CCDC191: variants seen among roughly 807,000 people sequenced by gnomAD.
CCDC191 encodes coiled-coil domain-containing protein 191.
Under a neutral mutation model 114.0 loss-of-function variants are expected in CCDC191, and 99 were observed. The ratio of observed to expected loss-of-function variants is 0.87; its 90% CI spans 0.74 to 1.03. The LOEUF is 1.03. Ranked by LOEUF, CCDC191 falls within the 50% of genes least tolerant of loss-of-function variation. The probability of loss-of-function intolerance (pLI) is 0.00; values close to 1 mark genes in which losing one functional copy is unlikely to be tolerated. For missense variants in CCDC191, 973 were observed against 1,087.0 expected, an observed-to-expected ratio of 0.90 and a Z score of 1.47; for synonymous variants, 351 against 376.0, an observed-to-expected ratio of 0.93 and a Z score of 0.77.
intron 16 of CCDC191, among the ~76,000 whole-genome samples, chr3:113,975,158 A>C (rs988469169): frequency 1.3e-5 from 2 of 152,178 alleles, no homozygotes; most frequent in African/African-American, 2.4e-5. Context: ...GTTAAGAACT[A>C]TGGTAGCAAG....
At chr3:114,005,457 G>A in intron 10 of CCDC191, 51 bp downstream of exon 10, 2 of 1,519,200 alleles carry the variant, frequency 1.3e-6, no homozygotes, top group South Asian at 2.6e-5. Context: ...GGAGCCCAAA[G>A]TGAAAAACCC....
At chr3:113,989,572 A>G (rs537160035) in intron 13 of CCDC191, among the ~76,000 whole-genome samples, 7 of 152,354 alleles carry the variant, frequency 4.6e-5, no homozygotes, top group East Asian at 3.9e-4. Context: ...CCATGGGACA[A>G]TGAGGACATC....
chr3:114,031,556 C>T, intron 7 of CCDC191, 70 bp downstream of exon 7: 3 of 1,274,676 alleles, frequency 2.4e-6, no homozygotes, highest in Non-Finnish European at 3.4e-6. Context: ...TTTATTTTAT[C>T]CCATCTCTGA....
chr3:113,965,590 TTTTA>T lies in CCDC191; in HGVS notation c.2607-235_2607-232del, dbSNP rs557303033. 3.4e-4 allele frequency among the ~76,000 whole-genome samples: 52 copies of T among 152,222 alleles called. 1 individual carries two copies. The South Asian group carries it at 0.01, about 30-fold the overall frequency. On this transcript the variant is annotated intron_variant, in intron 16 of 16. Transcript: ENST00000295878. Reference sequence around the variant, plus strand: ...ATAGGTTATTTTTATTTTTATTTTATTTTATTTATTTTCTTTGAGGCAAGAGTCT... The same window carrying T: ...ATAGGTTATTTTTATTTTTATTTTATTTTATTTTCTTTGAGGCAAGAGTCT...
intron 7 of CCDC191, among the ~76,000 whole-genome samples, chr3:114,026,447 T>C (rs2076321857): frequency 6.6e-6 from 1 of 152,238 alleles, no homozygotes; most frequent in Admixed American, 6.5e-5. Flanking sequence ...CCCAGTAATC[T>C]TCCTATGTGT....
intron 16 of CCDC191, 25 bp downstream of exon 16, chr3:113,978,161 A>G: frequency 2.5e-6 from 4 of 1,612,620 alleles, no homozygotes; most frequent in African/African-American, 1.3e-5. Context: ...CAGAGAGTGA[A>G]TTTTCCTCAC....
chr3:113,969,969 C>A (rs1940632003), intron 16 of CCDC191, among the ~76,000 whole-genome samples: 1 of 152,128 alleles, frequency 6.6e-6, no homozygotes, highest in Admixed American at 6.5e-5. Context: ...AAGAAGTCTT[C>A]CAGTGCAGGA....
chr3:113,983,963 C>T (rs2075265491), intron 13 of CCDC191: 1 of 152,150 alleles, frequency 6.6e-6, no homozygotes, highest in Non-Finnish European at 1.5e-5. Flanking sequence ...TGAGTGGCCA[C>T]CTTACTGTGG....
intron 7 of CCDC191, among the ~76,000 whole-genome samples, chr3:114,021,830 G>C (rs1302909362): frequency 2.0e-5 from 3 of 152,122 alleles, no homozygotes; most frequent in Admixed American, 6.6e-5. Context: ...TAAGCCAGGA[G>C]AACTTAAGTT....
intron 7 of CCDC191, 35 bp downstream of exon 7, chr3:114,031,591 C>T (rs1045565888): frequency 1.9e-6 from 3 of 1,553,870 alleles, no homozygotes; most frequent in South Asian, 1.1e-5. Flanking sequence ...ATTTATACTA[C>T]AGAATGCTGA....
At chr3:114,043,853 A>T (rs757635201) in intron 3 of CCDC191, among the ~76,000 whole-genome samples, 1 of 152,194 alleles carries the variant, frequency 6.6e-6, no homozygotes, top group Non-Finnish European at 1.5e-5. Context: ...TGGAGTTGAC[A>T]TGACTTGCTA....
intron 16 of CCDC191, among the ~76,000 whole-genome samples, chr3:113,977,444 A>G (rs554906596): frequency 1.3e-5 from 2 of 152,204 alleles, no homozygotes; most frequent in Non-Finnish European, 2.9e-5. Context: ...TTCTGTCCAA[A>G]TGCTTAAAAT....
chr3:114,050,086 A>T (rs1229893768), intron 2 of CCDC191, among the ~76,000 whole-genome samples: 1 of 152,256 alleles, frequency 6.6e-6, no homozygotes, highest in African/African-American at 2.4e-5. Flanking sequence ...GAAAAACTGA[A>T]CACCTTCAAA....
At chr3:113,969,514 T>C (rs562780669) in intron 16 of CCDC191, among the ~76,000 whole-genome samples, 24 of 152,308 alleles carry the variant, frequency 1.6e-4, no homozygotes, top group Admixed American at 1.2e-3. Context: ...CCATTTGGAT[T>C]TGATTTTTGT....
At chr3:114,029,442 C>T (rs2076373367) in intron 7 of CCDC191, among the ~76,000 whole-genome samples, 1 of 152,082 alleles carries the variant, frequency 6.6e-6, no homozygotes, top group African/African-American at 2.4e-5. Flanking sequence ...GGACTGTTTT[C>T]CTTCTAGAAG....
In CCDC191 at chr3:113,978,258, C is replaced by A. The variant is rs1193025846; in HGVS notation, c.2534G>T (p.Trp845Leu). The change falls in exon 16 of 17, where the codon TGG becomes TTG. Residue 845 changes from tryptophan to leucine, a missense_variant. Coordinates refer to ENST00000295878, the MANE Select transcript of CCDC191 (RefSeq NM_020817.2). Reference sequence around the variant, plus strand: ...CTTCACCTCCCTGACCATGTTAAACCAGGCCCTGAAAATCTTCTTTTGAAG... The same window carrying A: ...CTTCACCTCCCTGACCATGTTAAACAAGGCCCTGAAAATCTTCTTTTGAAG... ...HFLQKKIFRA[W>L]FNMVREVKID... 1 of 1,614,006 alleles carries A rather than the reference C, an allele frequency of 6.2e-7. No individual in the cohort carries two copies. The highest frequency in any genetic ancestry group is 1.7e-5 in the Admixed American group (1 of 59,982).
chr3:114,004,786 C>A, intron 10 of CCDC191, 40 bp from the exon 11 acceptor site: 2 of 1,584,452 alleles, frequency 1.3e-6, no homozygotes, highest in Non-Finnish European at 1.7e-6. Context: ...GACTACTAAC[C>A]AGTTTCCTTC....
At chr3:114,000,723 T>C (rs866128601) in intron 13 of CCDC191, among the ~76,000 whole-genome samples, 22 of 152,104 alleles carry the variant, frequency 1.4e-4, no homozygotes, top group African/African-American at 4.3e-4. Context: ...CAATGACAGC[T>C]CACTGCTGCC....
At chr3:114,041,528 C>T (rs1347444724) in intron 4 of CCDC191, among the ~76,000 whole-genome samples, 1 of 152,170 alleles carries the variant, frequency 6.6e-6, no homozygotes, top group African/African-American at 2.4e-5. Context: ...TGTAGGCTCC[C>T]AATCCCGGAA....
Sources: gnomAD v4.1 joint callset for allele counts (sites outside exome capture counted in the v4.1 genomes callset) on GRCh38, gnomAD v4.1.1 for gene constraint, MANE v1.5 for transcripts, NCBI Gene and HGNC (gene_info 2026-07-23, HGNC 2026-07-21) for gene names.